CAB39: variants seen among roughly 807,000 people sequenced by gnomAD.
CAB39 encodes the protein calcium binding protein 39.
In CAB39, 8 loss-of-function variants were observed where a neutral mutation model predicts 40.0. The observed-to-expected ratio is 0.20, with a 90% confidence interval of 0.12 to 0.36. CAB39 has a LOEUF of 0.36. CAB39 is among the 10% of genes least tolerant of loss of function. The pLI is 1.00. For synonymous variants in CAB39, 156 were observed against 141.6 expected, an observed-to-expected ratio of 1.10 and a Z score of -0.72; for missense variants, 270 against 401.1, an observed-to-expected ratio of 0.67 and a Z score of 2.79.
chr2:230,775,842 C>T (rs547812165), intron 2 of CAB39, among the ~76,000 whole-genome samples: 97 of 152,080 alleles, frequency 6.4e-4, no homozygotes, highest in African/African-American at 1.3e-3. Context: ...ACCTTGTCCC[C>T]GTTCTTAAAA....
In CAB39 at chr2:230,798,790, G is replaced by A; in HGVS notation, c.460G>A (p.Glu154Lys). Residue 154 changes from glutamate (E) to lysine (K), a missense_variant, in exon 5 of 9, where the codon GAA becomes AAA. Coordinates refer to ENST00000258418, the MANE Select transcript of CAB39 (RefSeq NM_016289.4). Reference sequence around the variant, plus strand: ...AATGTTAAGAGAATGCATCAGACATGAACCACTTGCAAAAATCATTTTGTG... The same window carrying A: ...AATGTTAAGAGAATGCATCAGACATAAACCACTTGCAAAAATCATTTTGTG... The part of the protein sequence containing the change: ...GIMLRECIRH[E>K]PLAKIILWSE... 6.2e-7 allele frequency: 1 copy of A among 1,610,808 alleles called. No homozygotes were observed. Among genetic ancestry groups the A allele is most frequent in the East Asian group, 2.2e-5 (1 of 44,790 alleles).
At chr2:230,772,676 G>A (rs956172707) in intron 2 of CAB39, among the ~76,000 whole-genome samples, 7 of 151,692 alleles carry the variant, frequency 4.6e-5, no homozygotes, top group Non-Finnish European at 1.0e-4. Context: ...TAGTAGAGAC[G>A]GGGTTTCACC....
In CAB39 at chr2:230,745,947, A is replaced by T. The variant is rs561781327; in HGVS notation, c.-43-14012A>T. Among the ~76,000 whole-genome samples, 48 of 152,140 alleles carry T rather than the reference A, an allele frequency of 3.2e-4. 1 individual carries two copies. Among genetic ancestry groups the T allele is most frequent in the East Asian group, 1.4e-3 (7 of 5,184 alleles). On this transcript the variant is annotated intron_variant, in intron 1 of 8. Coordinates refer to ENST00000258418, the MANE Select transcript of CAB39 (RefSeq NM_016289.4). The stretch of plus-strand genomic sequence containing the variant: ...CCAAAATCTTTAAATTAAAAAAAAA[A>T]TTTTTTTAAGGATGGGGCATTCAGG...
At chr2:230,760,219 T>A (rs1056021275) in intron 2 of CAB39, 104 bp downstream of exon 2, 4 of 621,982 alleles carry the variant, frequency 6.4e-6, no homozygotes, top group African/African-American at 1.9e-5. Context: ...TTTTGGATTT[T>A]AAAAATAACA....
intron 1 of CAB39, among the ~76,000 whole-genome samples, chr2:230,737,156 G>GA (rs761862510): frequency 6.6e-6 from 1 of 152,092 alleles, no homozygotes; most frequent in Non-Finnish European, 1.5e-5. Flanking sequence ...GTAATTTTTA[G>GA]AAAAAATTTT....
intron 2 of CAB39, among the ~76,000 whole-genome samples, chr2:230,765,221 C>T (rs138220922): frequency 1.3e-5 from 2 of 152,262 alleles, no homozygotes; most frequent in East Asian, 3.9e-4. Flanking sequence ...GATCTCCTGA[C>T]CTCGTGATCC....
chr2:230,776,616 G>T (rs994382861), intron 2 of CAB39, among the ~76,000 whole-genome samples: 2 of 152,204 alleles, frequency 1.3e-5, no homozygotes, highest in Non-Finnish European at 2.9e-5. Context: ...ACAAGTGGTT[G>T]TGAGTGTCAC....
intron 1 of CAB39, among the ~76,000 whole-genome samples, chr2:230,722,120 T>A (rs539330264): frequency 2.0e-5 from 3 of 151,064 alleles, no homozygotes; most frequent in African/African-American, 7.3e-5. Flanking sequence ...ATACACACAC[T>A]CTCAAAACTG....
intron 1 of CAB39, among the ~76,000 whole-genome samples, chr2:230,742,632 AAG>A (rs1338914962): frequency 6.6e-6 from 1 of 152,196 alleles, no homozygotes; most frequent in African/African-American, 2.4e-5. Flanking sequence ...ACAAGTCAAT[AAG>A]AAAAGGACTC....
At chr2:230,796,546 A>G (rs1366701337) in intron 4 of CAB39, among the ~76,000 whole-genome samples, 6 of 152,178 alleles carry the variant, frequency 3.9e-5, no homozygotes, top group African/African-American at 1.4e-4. Context: ...AAGCTCAGCA[A>G]AGATGAATTG....
chr2:230,817,913 C>CA lies in CAB39; in HGVS notation c.837+17dup, dbSNP rs749447368. The CA allele has an allele frequency of 6.2e-7, 1 of 1,602,276 alleles. No homozygotes were observed. The stretch of plus-strand genomic sequence containing the variant: ...CGTTTTTAAGGTAGAGTACTAGAAG[C>CA]ATCAGTGATACTGTCCACTGGAATT... On this transcript the variant is annotated intron_variant, in intron 8 of 8. Coordinates refer to ENST00000258418, the MANE Select transcript of CAB39 (RefSeq NM_016289.4).
intron 1 of CAB39, among the ~76,000 whole-genome samples, chr2:230,751,072 A>C (rs1695077379): frequency 6.6e-6 from 1 of 152,260 alleles, no homozygotes; most frequent in Non-Finnish European, 1.5e-5. Context: ...ATTAAGTCTT[A>C]GAGCCAGTTA....
intron 2 of CAB39, among the ~76,000 whole-genome samples, chr2:230,765,958 C>G (rs79213855): frequency 0.016 from 2,449 of 152,228 alleles, 66 homozygotes; most frequent in African/African-American, 0.055. Context: ...TAGTTCAAAG[C>G]AAGGCATTTC....
chr2:230,748,897 C>T (rs1456239016), intron 1 of CAB39, among the ~76,000 whole-genome samples: 1 of 124,412 alleles, frequency 8.0e-6, no homozygotes, highest in African/African-American at 2.8e-5. Flanking sequence ...CCTATCCACA[C>T]TTATTAGCTA....
chr2:230,771,147 G>GAA (rs1427701591), intron 2 of CAB39, among the ~76,000 whole-genome samples: 1 of 150,226 alleles, frequency 6.7e-6, no homozygotes, highest in East Asian at 2.0e-4. Flanking sequence ...AAAACTGAAG[G>GAA]AATCTACACA....
chr2:230,721,358 G>C (rs1338128389), intron 1 of CAB39, among the ~76,000 whole-genome samples: 1 of 152,190 alleles, frequency 6.6e-6, no homozygotes, highest in Non-Finnish European at 1.5e-5. Flanking sequence ...TTGAGCCCTG[G>C]GGGTGGAGGT....
chr2:230,733,508 T>C lies in CAB39; in HGVS notation c.-44+20278T>C, dbSNP rs933290762. Reference sequence around the variant, plus strand: ...GAGAGCTATATGCTGTTAGCACTTCTGGCTCTAAAGTATTCGACTTTGTTT... The same window carrying C: ...GAGAGCTATATGCTGTTAGCACTTCCGGCTCTAAAGTATTCGACTTTGTTT... On this transcript the variant is annotated intron_variant, in intron 1 of 8. Transcript: ENST00000258418. Among the ~76,000 whole-genome samples, 78 of 152,350 alleles carry C rather than the reference T, an allele frequency of 5.1e-4. 1 individual carries two copies. Among genetic ancestry groups the C allele is most frequent in the African/African-American group, 1.7e-3 (69 of 41,582 alleles).
chr2:230,789,400 A>G (rs1413118740), intron 2 of CAB39, among the ~76,000 whole-genome samples: 1 of 152,072 alleles, frequency 6.6e-6, no homozygotes, highest in South Asian at 2.1e-4. Flanking sequence ...TCTTCTTCTT[A>G]TTAGTCGTGT....
intron 1 of CAB39, among the ~76,000 whole-genome samples, chr2:230,743,815 A>G (rs1694925195): frequency 6.6e-6 from 1 of 151,990 alleles, no homozygotes; most frequent in Non-Finnish European, 1.5e-5. Flanking sequence ...AAAGAAAGAA[A>G]CCTTTTGTCT....
Sources: allele counts gnomAD v4.1 joint callset (sites outside exome capture counted in the v4.1 genomes callset), GRCh38; gene constraint gnomAD v4.1.1; transcripts MANE v1.5; gene names NCBI Gene and HGNC (gene_info 2026-07-23, HGNC 2026-07-21).